ZNF846: variants seen among roughly 807,000 people sequenced by gnomAD.
ZNF846 encodes zinc finger protein 846.
In ZNF846, 15 loss-of-function variants were observed where a neutral mutation model predicts 16.0. The observed-to-expected ratio is 0.94, with a 90% CI of 0.63 to 1.45. The LOEUF is 1.45. Ranked by LOEUF, ZNF846 falls within the 40% of genes most tolerant of loss-of-function variation. The pLI, the probability that ZNF846 is intolerant of heterozygous loss-of-function variation, is 0.00. For synonymous variants in ZNF846, 229 were observed against 212.0 expected (o/e 1.08, Z -0.70); for missense variants, 714 against 622.3 (o/e 1.15, Z -1.57).
Position 9,763,270 on chromosome 19 carries a change from T to C in ZNF846, c.142+12A>G, listed in dbSNP as rs1228856537. 2 of 1,560,144 alleles carry C rather than the reference T, an allele frequency of 1.3e-6. No individual in the cohort carries two copies. Among genetic ancestry groups the C allele is most frequent in the African/African-American group, 2.8e-5 (2 of 72,620 alleles). The stretch of plus-strand genomic sequence containing the variant: ...CCTAAAGGGGTCAGTGAAGAAATGA[T>C]GCCAGTTTTACCTAGTATAATGAGA... On this transcript the variant is annotated intron_variant, in intron 3 of 5. Transcript: ENST00000397902.
chr19:9,760,984 G>A (rs950642633), intron 4 of ZNF846, among the ~76,000 whole-genome samples: 2 of 151,490 alleles, frequency 1.3e-5, no homozygotes, highest in Admixed American at 6.6e-5. Flanking sequence ...GGTCACTTGA[G>A]GTCAGGAGTT....
upstream of ZNF846, among the ~76,000 whole-genome samples, chr19:9,772,967 G>C (rs1256283562): frequency 6.6e-6 from 1 of 151,966 alleles, no homozygotes; most frequent in African/African-American, 2.4e-5. Context: ...TGAAGTGGGA[G>C]GATTGCTTGA....
intron 1 of ZNF846, among the ~76,000 whole-genome samples, chr19:9,766,725 C>A (rs2045320957): frequency 6.6e-6 from 1 of 151,178 alleles, no homozygotes; most frequent in South Asian, 2.1e-4. Flanking sequence ...CATGGTGAAA[C>A]CCCATCTCTA....
intron 1 of ZNF846, 61 bp downstream of exon 1, chr19:9,768,228 C>G (rs1368360266): frequency 6.6e-6 from 1 of 152,210 alleles, no homozygotes; most frequent in Admixed American, 6.5e-5. Context: ...TGAGCAATTT[C>G]GCAAACTTCA....
chr19:9,775,217 A>G (rs186198584), intron 1 of ZNF846, among the ~76,000 whole-genome samples: 5,480 of 145,026 alleles, frequency 0.038, 347 homozygotes, highest in African/African-American at 0.14. Flanking sequence ...GTGTGTGTAT[A>G]TATATATAAC....
exon 6 of ZNF846, chr19:9,757,873 C>A (rs1444396238): frequency 7.4e-6 from 12 of 1,613,356 alleles, no homozygotes; most frequent in Non-Finnish European, 1.0e-5. Flanking sequence ...TTATTAAAGG[C>A]TTTCCCACAT....
At chr19:9,785,315 A>G (rs2045546768) in intron 1 of ZNF846, among the ~76,000 whole-genome samples, 1 of 148,612 alleles carries the variant, frequency 6.7e-6, no homozygotes. Context: ...CTCCTGCCTC[A>G]GCCTCCCCAG....
chr19:9,758,506 T>G (rs1568321974), exon 6 of ZNF846: 1 of 1,613,568 alleles, frequency 6.2e-7, no homozygotes, highest in Non-Finnish European at 8.5e-7. Flanking sequence ...TGTGTGTGAG[T>G]TTTATTCTGC....
At chr19:9,770,825 C>A (rs370647222), upstream of ZNF846, among the ~76,000 whole-genome samples, 1 of 151,488 alleles carries the variant, frequency 6.6e-6, no homozygotes, top group African/African-American at 2.4e-5. Flanking sequence ...GCTGAGATGG[C>A]GCCACGGCAC....
chr19:9,775,053 C>T lies in ZNF846; in HGVS notation c.-85-10018G>A, dbSNP rs929168827. ...AAGCAGGACTCTGTGGAAATTGACACGTGCCACCGCCTGACATTCACTTGT... is the reference window on the plus strand; with the variant it reads ...AAGCAGGACTCTGTGGAAATTGACATGTGCCACCGCCTGACATTCACTTGT... On this transcript the variant is annotated intron_variant, in intron 1 of 4. Coordinates refer to the ZNF846 transcript ENST00000586814. 7 of 1,108,630 alleles carry T rather than the reference C, an allele frequency of 6.3e-6. No individual in the cohort carries two copies. The Middle Eastern group carries it at 8.9e-4, about 141-fold the overall frequency. The allele number at this position is 1,108,630 out of a possible 1,614,324, so 68.7% of individuals were successfully genotyped here.
chr19:9,757,142 C>A (rs192682117), downstream of ZNF846, among the ~76,000 whole-genome samples: 30 of 151,220 alleles, frequency 2.0e-4, 1 homozygote, highest in East Asian at 5.2e-3. Flanking sequence ...TTGCAGTGGG[C>A]CAAGGTCATG....
Position 9,759,804 on chromosome 19 carries a change from A to G in ZNF846, c.312+56T>C, listed in dbSNP as rs1310248509. ...ATGCCATTTTCCTCATATAATTTTC[A>G]TGAATATTGTGCTTCTTGTCCTAGT... On this transcript the variant is annotated intron_variant, in intron 5 of 5. Coordinates refer to ENST00000397902, the Ensembl canonical transcript of ZNF846. 3.0e-6 allele frequency: 4 copies of G among 1,352,164 alleles called. 1 individual carries two copies. In the African/African-American group the frequency reaches 6.0e-5, roughly 20 times the overall value. 83.8% of individuals were successfully genotyped at this position (1,352,164 alleles called of 1,614,324 possible).
At chr19:9,782,543 A>T (rs2045512505) in intron 1 of ZNF846, among the ~76,000 whole-genome samples, 1 of 152,152 alleles carries the variant, frequency 6.6e-6, no homozygotes. Flanking sequence ...GATTGCAGGC[A>T]TGAGTCACCA....
At chr19:9,751,824 C>T (rs954623384), downstream of ZNF846, among the ~76,000 whole-genome samples, 1 of 152,174 alleles carries the variant, frequency 6.6e-6, no homozygotes, top group African/African-American at 2.4e-5. Flanking sequence ...AACTCCACCG[C>T]CTATCCCAAA....
At chr19:9,779,513 C>T (rs543199436) in intron 1 of ZNF846, among the ~76,000 whole-genome samples, 1 of 151,448 alleles carries the variant, frequency 6.6e-6, no homozygotes, top group Non-Finnish European at 1.5e-5. Flanking sequence ...GGTGATCTGT[C>T]TGCCTCAGCT....
chr19:9,764,057 T>C (rs1214881450), intron 2 of ZNF846, among the ~76,000 whole-genome samples: 1 of 152,178 alleles, frequency 6.6e-6, no homozygotes, highest in Non-Finnish European at 1.5e-5. Context: ...CAGGGAGGTT[T>C]CACATCACCA....
intron 1 of ZNF846, among the ~76,000 whole-genome samples, chr19:9,777,003 A>G (rs1245355033): frequency 6.6e-6 from 1 of 151,948 alleles, no homozygotes; most frequent in Non-Finnish European, 1.5e-5. Context: ...GTGGTCATCA[A>G]ATGGTTGGCA....
At chr19:9,767,396 A>G (rs969320468) in intron 1 of ZNF846, among the ~76,000 whole-genome samples, 1 of 151,870 alleles carries the variant, frequency 6.6e-6, no homozygotes. Flanking sequence ...CGGCCTCCCA[A>G]AGTGCCAGGA....
chr19:9,768,725 CG>C, upstream of ZNF846: 1 of 152,486 alleles, frequency 6.6e-6, no homozygotes, highest in Non-Finnish European at 1.5e-5. Context: ...TGCTGGAGAG[CG>C]GGGAATACGT....
Sources: gnomAD v4.1 joint callset for allele counts (sites outside exome capture counted in the v4.1 genomes callset) on GRCh38, gnomAD v4.1.1 for gene constraint, MANE v1.5 for transcripts, NCBI Gene and HGNC (gene_info 2026-07-23, HGNC 2026-07-21) for gene names.